Variants in POLR2F observed in about 807,000 individuals in gnomAD.
The protein encoded by POLR2F is RNA polymerase II, I and III subunit F.
A neutral mutation model predicts 22.7 loss-of-function variants in POLR2F; 12 were observed. The observed-to-expected ratio is 0.53, with a 90% CI of 0.34 to 0.86. The LOEUF (loss-of-function observed/expected upper bound fraction) is 0.86, where lower values mean the gene tolerates loss of function less well. POLR2F is among the 40% of genes least tolerant of loss of function. POLR2F has a pLI of 0.02. For synonymous variants in POLR2F, 57 were observed against 66.0 expected (o/e 0.86, Z 0.66); for missense variants, 126 against 171.5 (o/e 0.73, Z 1.48).
At chr22:37,966,494 C>T (rs567122728) in intron 3 of POLR2F, among the ~76,000 whole-genome samples, 3 of 152,124 alleles carry the variant, frequency 2.0e-5, no homozygotes, top group East Asian at 1.9e-4. Flanking sequence ...GAAATGATGC[C>T]GGGCATGGTG....
chr22:38,003,990 G>A (rs557795381), intron 1 of POLR2F, among the ~76,000 whole-genome samples: 2 of 152,064 alleles, frequency 1.3e-5, no homozygotes, highest in African/African-American at 4.8e-5. Flanking sequence ...TAGGAGATTA[G>A]GATACTGTTT....
upstream of POLR2F, among the ~76,000 whole-genome samples, chr22:37,981,258 G>A (rs971585834): frequency 1.3e-5 from 2 of 152,224 alleles, no homozygotes; most frequent in Non-Finnish European, 2.9e-5. Flanking sequence ...TTCAGGAGAA[G>A]CCCCTGGAGC....
intron 1 of POLR2F, among the ~76,000 whole-genome samples, chr22:38,022,537 G>A (rs1408494115): frequency 1.5e-5 from 2 of 131,158 alleles, no homozygotes; most frequent in Non-Finnish European, 3.2e-5. Context: ...GGCAACAAGA[G>A]TGAAACGCTG....
chr22:37,960,233 T>C (rs1185122361), intron 3 of POLR2F, among the ~76,000 whole-genome samples: 2 of 151,216 alleles, frequency 1.3e-5, no homozygotes, highest in Admixed American at 6.6e-5. Context: ...CTTTTCTTTT[T>C]TTTTTTTTTT....
Position 38,017,153 on chromosome 22 carries a change from C to A in POLR2F, c.121-8716C>A, listed in dbSNP as rs1352088535. On this transcript the variant is annotated intron_variant, in intron 1 of 2. Transcript: ENST00000333418. The surrounding 1 kb of genome is among the most constrained non-coding windows in gnomAD (Gnocchi z 4.1). ...TGTGCCCTGGGCTTGCTGTGCCACC[C>A]AAGGCAGCCTCTCTAGGTCTGGGTG... 6.6e-6 allele frequency among the ~76,000 whole-genome samples: 1 copy of A among 152,204 alleles called. No individual in the cohort carries two copies. Among genetic ancestry groups the A allele is most frequent in the Non-Finnish European group, 1.5e-5 (1 of 68,026 alleles).
downstream of POLR2F, among the ~76,000 whole-genome samples, chr22:38,028,930 T>C (rs1032748852): frequency 2.1e-4 from 32 of 152,270 alleles, no homozygotes; most frequent in African/African-American, 7.5e-4. Flanking sequence ...TCACAGCTCA[T>C]TGATGGGCAC....
downstream of POLR2F, among the ~76,000 whole-genome samples, chr22:38,027,370 G>A (rs111946906): frequency 5.4e-3 from 826 of 152,180 alleles, 3 homozygotes; most frequent in Admixed American, 8.2e-3. Context: ...AAATGGAGGC[G>A]TGTCACCCAT....
intron 1 of POLR2F, among the ~76,000 whole-genome samples, chr22:38,013,619 G>C (rs1050705561): frequency 6.6e-6 from 1 of 152,026 alleles, no homozygotes; most frequent in Non-Finnish European, 1.5e-5. Context: ...AGTTCTTTTT[G>C]TCTTTAGCTG....
At chr22:37,989,590 G>A (rs1932679514) in intron 1 of POLR2F, among the ~76,000 whole-genome samples, 1 of 152,226 alleles carries the variant, frequency 6.6e-6, no homozygotes, top group Non-Finnish European at 1.5e-5. Context: ...GCTCAGCTGT[G>A]AGGGCTCCTG....
chr22:37,970,076 G>C (rs1369122461), downstream of POLR2F, among the ~76,000 whole-genome samples: 1 of 151,506 alleles, frequency 6.6e-6, no homozygotes, highest in Non-Finnish European at 1.5e-5. Flanking sequence ...GGCAGATCAC[G>C]AGGTCAGGAG....
intron 1 of POLR2F, among the ~76,000 whole-genome samples, chr22:38,019,138 G>C (rs992766605): frequency 6.6e-6 from 1 of 152,118 alleles, no homozygotes; most frequent in Admixed American, 6.6e-5. Context: ...GACTGGGAAG[G>C]TGTGCATGTG....
intron 1 of POLR2F, among the ~76,000 whole-genome samples, chr22:38,019,027 G>C (rs2084937961): frequency 6.6e-6 from 1 of 152,152 alleles, no homozygotes; most frequent in Non-Finnish European, 1.5e-5. Flanking sequence ...ATGTGGAGAA[G>C]AGTGAGCCGT....
At position 38,017,341 on chromosome 22, in the gene POLR2F, A is replaced by C. The variant is rs1240020739; in HGVS notation, c.121-8528A>C. Among the ~76,000 whole-genome samples, 1 of 152,052 alleles carries C rather than the reference A, an allele frequency of 6.6e-6. No homozygotes were observed. The highest frequency in any genetic ancestry group is 2.1e-4 in the South Asian group (1 of 4,814). ...ACCCTGAACTGCCCCCAGAGTGATCATGCTCAATGTCAGCTTGGCTCTTGG... is the reference window on the plus strand; with the variant it reads ...ACCCTGAACTGCCCCCAGAGTGATCCTGCTCAATGTCAGCTTGGCTCTTGG... On this transcript the variant is annotated intron_variant, in intron 1 of 2. Coordinates refer to the POLR2F transcript ENST00000333418. The surrounding 1 kb of genome is among the most constrained non-coding windows in gnomAD (Gnocchi z 4.1).
At chr22:38,001,592 G>A (rs767763683) in intron 1 of POLR2F, among the ~76,000 whole-genome samples, 18 of 152,254 alleles carry the variant, frequency 1.2e-4, no homozygotes, top group Admixed American at 3.3e-4. Context: ...GAGTGCTATG[G>A]TATAATGTCG....
downstream of POLR2F, among the ~76,000 whole-genome samples, chr22:37,970,100 T>C (rs1488481947): frequency 6.6e-6 from 1 of 151,744 alleles, no homozygotes; most frequent in East Asian, 2.0e-4. Context: ...AAGACCATCC[T>C]GGCTAACACA....
Position 38,031,991 on chromosome 22 carries a change from C to T in POLR2F, c.453-9077C>T, listed in dbSNP as rs1176964410. ...GAAGTCTGGAGATTTTGTCCAGTTT[C>T]TTTTTTTTCTTTTACTTTTTTTTTG... On this transcript the variant is annotated intron_variant, in intron 5 of 5. Coordinates refer to the POLR2F transcript ENST00000407936. This position sits in a 1 kb window ranked among gnomAD's most constrained non-coding sequence, Gnocchi z 4.1. Among the ~76,000 whole-genome samples, 4 of 151,886 alleles carry T rather than the reference C, an allele frequency of 2.6e-5. No individual in the cohort carries two copies. The highest frequency in any genetic ancestry group is 4.4e-5 in the Non-Finnish European group (3 of 67,960).
rs191108522 is a variant in POLR2F at position 37,977,089 on chromosome 22, A to C, written c.293+9919A>C. 3.7e-3 allele frequency among the ~76,000 whole-genome samples: 550 copies of C among 149,048 alleles called. 16 individuals carry two copies. Among genetic ancestry groups the C allele is most frequent in the Admixed American group, 0.033 (492 of 14,944 alleles). Reference sequence around the variant, plus strand: ...AGGCTGAGACAGGAGAATTGCTTGAACCCGGGAGGAAAAGGTTGCAGTGCA... The same window carrying C: ...AGGCTGAGACAGGAGAATTGCTTGACCCCGGGAGGAAAAGGTTGCAGTGCA... On this transcript the variant is annotated intron_variant, in intron 4 of 4. Transcript: ENST00000405557.
Position 37,967,935 on chromosome 22 carries a change from C to T in POLR2F, c.*220C>T. Reference sequence around the variant, plus strand: ...TTAAGAAGCACCAGGGGCCCTTAGCCCCTTTGGATCCCCCACATCCTTCCC... The same window carrying T: ...TTAAGAAGCACCAGGGGCCCTTAGCTCCTTTGGATCCCCCACATCCTTCCC... On this transcript the variant is annotated 3_prime_UTR_variant, in exon 5 of 5. Coordinates refer to ENST00000442738, the MANE Select transcript of POLR2F (RefSeq NM_021974.5). 2 of 1,234,902 alleles carry T rather than the reference C, an allele frequency of 1.6e-6. No individual in the cohort carries two copies. The highest frequency in any genetic ancestry group is 2.0e-6 in the Non-Finnish European group (2 of 985,358). 76.5% of individuals were successfully genotyped at this position (1,234,902 alleles called of 1,614,324 possible). A position where few individuals can be genotyped will look rare whatever the true frequency, so the allele number is the denominator to read the frequency against.
chr22:38,028,513 CGT>C (rs759978934), downstream of POLR2F, among the ~76,000 whole-genome samples: 38 of 151,604 alleles, frequency 2.5e-4, no homozygotes, highest in Non-Finnish European at 4.4e-4. Flanking sequence ...CGTGTGCGTA[CGT>C]GTGTGTGCAT....
Sources: gnomAD v4.1 joint callset for allele counts (sites outside exome capture counted in the v4.1 genomes callset) on GRCh38, gnomAD v4.1.1 for gene constraint, Gnocchi (gnomAD v3.1) non-coding constraint, MANE v1.5 for transcripts, NCBI Gene and HGNC (gene_info 2026-07-23, HGNC 2026-07-21) for gene names.